The following DAB2IP variants were observed in gnomAD, a reference collection of about 807,000 sequenced individuals.
The protein encoded by DAB2IP is disabled homolog 2-interacting protein.
DAB2IP carries 28 observed loss-of-function variants against 107.2 expected under a neutral mutation model. The observed-to-expected ratio is 0.26, with a 90% CI of 0.19 to 0.36. The LOEUF is 0.36. Ranked by LOEUF, DAB2IP falls within the 10% of genes least tolerant of loss-of-function variation. The pLI is 1.00. For missense variants in DAB2IP, 1,400 were observed against 1,644.7 expected, an observed-to-expected ratio of 0.85 and a Z score of 2.57; for synonymous variants, 755 against 706.4, an observed-to-expected ratio of 1.07 and a Z score of -1.09.
At chr9:121,677,961 CT>C (rs1443486080) in intron 1 of DAB2IP, among the ~76,000 whole-genome samples, 1 of 152,078 alleles carries the variant, frequency 6.6e-6, no homozygotes, top group Non-Finnish European at 1.5e-5. Flanking sequence ...TGTGCCAGGC[CT>C]TTTTCCCCCC....
chr9:121,572,245 C>T (rs953364173), intron 1 of DAB2IP, among the ~76,000 whole-genome samples: 2 of 152,126 alleles, frequency 1.3e-5, no homozygotes, highest in Non-Finnish European at 2.9e-5. Flanking sequence ...CTTCCTCCGC[C>T]TGGGTGTGTT....
chr9:121,727,031 T>C (rs949315611), intron 3 of DAB2IP, among the ~76,000 whole-genome samples: 1 of 151,764 alleles, frequency 6.6e-6, no homozygotes, highest in East Asian at 1.9e-4. Context: ...CTCAAAAATA[T>C]TGTGCTGGAC....
intron 3 of DAB2IP, among the ~76,000 whole-genome samples, chr9:121,720,358 C>T (rs768961793): frequency 2.6e-5 from 4 of 152,194 alleles, no homozygotes; most frequent in African/African-American, 9.7e-5. Flanking sequence ...GTACCATGAA[C>T]GATACATTGA....
At chr9:121,687,588 A>G (rs1449502402) in intron 2 of DAB2IP, among the ~76,000 whole-genome samples, 1 of 152,208 alleles carries the variant, frequency 6.6e-6, no homozygotes, top group Non-Finnish European at 1.5e-5. Context: ...CCTGGGTTCG[A>G]ATCCCAGCTC....
At chr9:121,683,836 A>G (rs1360851478) in intron 2 of DAB2IP, among the ~76,000 whole-genome samples, 1 of 152,190 alleles carries the variant, frequency 6.6e-6, no homozygotes, top group African/African-American at 2.4e-5. Context: ...GTTCGTCAGG[A>G]ACCAAGGGAG....
chr9:121,651,965 G>C lies in DAB2IP; in HGVS notation c.124+66G>C, dbSNP rs1310062418. 3 of 1,208,410 alleles carry C rather than the reference G, an allele frequency of 2.5e-6. No individual in the cohort carries two copies. The highest frequency in any genetic ancestry group is 2.1e-6 in the Non-Finnish European group (2 of 960,472). 74.9% of individuals were successfully genotyped at this position (1,208,410 alleles called of 1,614,324 possible). ...GGCCACTAAGCCACCTGATGCCCTGGGATGCTAGGGACCGGGATCCTCCTT... is the reference window on the plus strand; with the variant it reads ...GGCCACTAAGCCACCTGATGCCCTGCGATGCTAGGGACCGGGATCCTCCTT... On this transcript the variant is annotated intron_variant, in intron 1 of 15. Coordinates refer to ENST00000408936, the Ensembl canonical transcript of DAB2IP. The surrounding 1 kb of genome is among the most constrained non-coding windows in gnomAD (Gnocchi z 5.1).
intron 1 of DAB2IP, among the ~76,000 whole-genome samples, chr9:121,602,655 A>G (rs932049662): frequency 6.6e-6 from 1 of 152,104 alleles, no homozygotes; most frequent in Non-Finnish European, 1.5e-5. Flanking sequence ...GGCTCACTGC[A>G]AGCTCCACCT....
At chr9:121,577,956 G>A (rs560070649) in intron 1 of DAB2IP, among the ~76,000 whole-genome samples, 4 of 152,198 alleles carry the variant, frequency 2.6e-5, no homozygotes, top group East Asian at 1.9e-4. Flanking sequence ...GCCTCCAGGC[G>A]GGGGTAGAGG....
intron 1 of DAB2IP, among the ~76,000 whole-genome samples, chr9:121,591,803 C>T (rs60554971): frequency 0.025 from 3,784 of 152,224 alleles, 67 homozygotes; most frequent in African/African-American, 0.045. Flanking sequence ...TTCAAGTTGC[C>T]TGTGCAGAGA....
At chr9:121,693,491 C>G (rs1027343841) in intron 2 of DAB2IP, among the ~76,000 whole-genome samples, 2 of 152,228 alleles carry the variant, frequency 1.3e-5, no homozygotes, top group Non-Finnish European at 2.9e-5. Flanking sequence ...CGGGCAAAGC[C>G]CCAGAAAGAT....
At chr9:121,590,841 A>T (rs1340340042) in intron 1 of DAB2IP, among the ~76,000 whole-genome samples, 1 of 152,188 alleles carries the variant, frequency 6.6e-6, no homozygotes, top group Non-Finnish European at 1.5e-5. Context: ...ACCAGGCATG[A>T]TCCCTGTGTT....
intron 1 of DAB2IP, among the ~76,000 whole-genome samples, chr9:121,568,627 A>T (rs1380163166): frequency 6.6e-6 from 1 of 152,200 alleles, no homozygotes; most frequent in East Asian, 1.9e-4. Flanking sequence ...GGCCAGGGGC[A>T]GACAGCCTGA....
chr9:121,650,489 G>C (rs1349145762), upstream of DAB2IP, among the ~76,000 whole-genome samples: 1 of 152,188 alleles, frequency 6.6e-6, no homozygotes, highest in Non-Finnish European at 1.5e-5. Flanking sequence ...TCCCCTAGCC[G>C]GCCTCAGGCA....
Position 121,684,435 on chromosome 9 carries a change from C to T in DAB2IP, c.228+5654C>T, listed in dbSNP as rs1828753917. On this transcript the variant is annotated intron_variant, in intron 2 of 15. Coordinates refer to ENST00000408936, the Ensembl canonical transcript of DAB2IP. This position sits in a 1 kb window ranked among gnomAD's most constrained non-coding sequence, Gnocchi z 4.0. Reference sequence around the variant, plus strand: ...CTGGATATCAGCCACCCCGTCTGAGCTGAGCCCTTCTCCCAGCCCCCATCA... The same window carrying T: ...CTGGATATCAGCCACCCCGTCTGAGTTGAGCCCTTCTCCCAGCCCCCATCA... Among the ~76,000 whole-genome samples the T allele has an allele frequency of 6.6e-6, 1 of 152,212 alleles. No homozygotes were observed. The highest frequency in any genetic ancestry group is 2.4e-5 in the African/African-American group (1 of 41,446).
At chr9:121,692,747 C>T (rs1419512039) in intron 2 of DAB2IP, among the ~76,000 whole-genome samples, 1 of 152,222 alleles carries the variant, frequency 6.6e-6, no homozygotes, top group Non-Finnish European at 1.5e-5. Flanking sequence ...TTTCGCCTGT[C>T]ACAGTGTCTG....
At chr9:121,734,326 G>A (rs993486601) in intron 3 of DAB2IP, among the ~76,000 whole-genome samples, 7 of 140,252 alleles carry the variant, frequency 5.0e-5, no homozygotes, top group Non-Finnish European at 7.4e-5. Flanking sequence ...GCAGTGAGCC[G>A]AGATTGCGCC....
chr9:121,674,656 C>T (rs142547686), intron 1 of DAB2IP, among the ~76,000 whole-genome samples: 7 of 152,286 alleles, frequency 4.6e-5, no homozygotes, highest in Non-Finnish European at 8.8e-5. Flanking sequence ...CTGGTCTCAG[C>T]TTCATCATCT....
chr9:121,676,156 C>T (rs1833895991), intron 1 of DAB2IP, among the ~76,000 whole-genome samples: 2 of 152,204 alleles, frequency 1.3e-5, no homozygotes, highest in South Asian at 2.1e-4. Context: ...CGGGCCTGAA[C>T]CAGTCTCAGG....
At chr9:121,730,925 A>AGGCACAGAAGTTGGTGGG (rs1185924702) in intron 3 of DAB2IP, among the ~76,000 whole-genome samples, 2 of 152,228 alleles carry the variant, frequency 1.3e-5, no homozygotes, top group Non-Finnish European at 2.9e-5. Context: ...ACCATGTGCC[A>AGGCACAGAAGTTGGTGGG]GGCACAGAAG....
Sources: allele counts gnomAD v4.1 joint callset (sites outside exome capture counted in the v4.1 genomes callset), GRCh38; gene constraint gnomAD v4.1.1; non-coding constraint Gnocchi (gnomAD v3.1); transcripts MANE v1.5; gene names NCBI Gene and HGNC (gene_info 2026-07-23, HGNC 2026-07-21).